The following CA10 variants were observed in gnomAD, a reference collection of about 807,000 sequenced individuals.
CA10 encodes the protein carbonic anhydrase 10 (inactive).
CA10 carries 14 observed loss-of-function variants against 44.2 expected under a neutral mutation model. That is an observed-to-expected ratio of 0.32 (90% confidence interval 0.21 to 0.50). The LOEUF is 0.50. Ranked by LOEUF, CA10 falls within the 20% of genes least tolerant of loss-of-function variation. The pLI is 0.99. For missense variants in CA10, 350 were observed against 409.7 expected, an observed-to-expected ratio of 0.85 and a Z score of 1.26; for synonymous variants, 159 against 141.6, an observed-to-expected ratio of 1.12 and a Z score of -0.87.
intron 2 of CA10, among the ~76,000 whole-genome samples, chr17:52,019,064 C>T (rs753195050): frequency 6.6e-6 from 1 of 152,086 alleles, no homozygotes; most frequent in African/African-American, 2.4e-5. Flanking sequence ...CTTCTGGGGG[C>T]CATCACCACA....
intron 3 of CA10, among the ~76,000 whole-genome samples, chr17:51,767,056 T>C (rs913008134): frequency 6.6e-6 from 1 of 152,234 alleles, no homozygotes; most frequent in Non-Finnish European, 1.5e-5. Context: ...GTCTTGGCCA[T>C]TGACTAAATC....
intron 3 of CA10, among the ~76,000 whole-genome samples, chr17:51,862,223 A>T (rs1016184431): frequency 6.6e-6 from 1 of 152,236 alleles, no homozygotes; most frequent in African/African-American, 2.4e-5. Flanking sequence ...CTAGGAAGGT[A>T]GTTAATTTGC....
intron 3 of CA10, among the ~76,000 whole-genome samples, chr17:51,837,752 T>G (rs1978292052): frequency 1.3e-5 from 2 of 152,254 alleles, no homozygotes; most frequent in Admixed American, 1.3e-4. Context: ...TGTCATTATT[T>G]CAGTGCTACT....
chr17:52,005,787 TATA>T (rs1388677496), intron 2 of CA10, among the ~76,000 whole-genome samples: 1 of 151,908 alleles, frequency 6.6e-6, no homozygotes, highest in Non-Finnish European at 1.5e-5. Context: ...TCTATTGACT[TATA>T]ATAATTAGTC....
intron 2 of CA10, among the ~76,000 whole-genome samples, chr17:51,960,723 A>T (rs1434831820): frequency 6.6e-6 from 1 of 152,230 alleles, no homozygotes; most frequent in Non-Finnish European, 1.5e-5. Context: ...ACAGATATTT[A>T]AAAACCTCTA....
chr17:51,745,298 C>T (rs1200225785), intron 4 of CA10, among the ~76,000 whole-genome samples: 1 of 152,140 alleles, frequency 6.6e-6, no homozygotes, highest in African/African-American at 2.4e-5. Context: ...TACAAATGTA[C>T]AAACCTGGAT....
At chr17:51,635,551 G>A (rs1912787759) in intron 7 of CA10, among the ~76,000 whole-genome samples, 2 of 152,082 alleles carry the variant, frequency 1.3e-5, no homozygotes, top group Admixed American at 1.3e-4. Context: ...AGAGCTTGGG[G>A]TGGTGCTTTT....
At chr17:51,859,994 GC>G (rs1979231521) in intron 3 of CA10, among the ~76,000 whole-genome samples, 1 of 152,162 alleles carries the variant, frequency 6.6e-6, no homozygotes, top group Admixed American at 6.5e-5. Context: ...ACAGGGCTGT[GC>G]CAGGCTACAG....
At chr17:51,701,295 T>C (rs1915594180) in intron 4 of CA10, among the ~76,000 whole-genome samples, 1 of 152,056 alleles carries the variant, frequency 6.6e-6, no homozygotes, top group Admixed American at 6.5e-5. Flanking sequence ...CCAATTTCCC[T>C]CTTCTCATAA....
chr17:51,700,430 C>G (rs989886526), intron 4 of CA10, among the ~76,000 whole-genome samples: 1 of 152,182 alleles, frequency 6.6e-6, no homozygotes, highest in Non-Finnish European at 1.5e-5. Flanking sequence ...GGCCCCTTCT[C>G]CCACCTCCGT....
intron 3 of CA10, chr17:51,763,130 GAGA>G (rs959188489): frequency 6.6e-6 from 1 of 152,218 alleles, no homozygotes; most frequent in African/African-American, 2.4e-5. Context: ...CCTTAGGGGT[GAGA>G]AGATTTATAT....
At chr17:52,037,853 C>G (rs1031112301) in intron 2 of CA10, among the ~76,000 whole-genome samples, 7 of 152,152 alleles carry the variant, frequency 4.6e-5, no homozygotes, top group African/African-American at 1.7e-4. Flanking sequence ...ATAATTCTCT[C>G]ATACCTTAAA....
intron 3 of CA10, among the ~76,000 whole-genome samples, chr17:51,808,804 G>A (rs563988902): frequency 3.9e-5 from 6 of 152,196 alleles, no homozygotes; most frequent in South Asian, 4.1e-4. Context: ...CAATGATTAC[G>A]TTTAGGTAGG....
chr17:52,041,091 T>C (rs1986755721), intron 2 of CA10, among the ~76,000 whole-genome samples: 1 of 151,966 alleles, frequency 6.6e-6, no homozygotes, highest in African/African-American at 2.4e-5. Context: ...ACTACCCTAA[T>C]GAAGCAAAGC....
chr17:52,025,093 G>A (rs1378939299), intron 2 of CA10, among the ~76,000 whole-genome samples: 1 of 151,642 alleles, frequency 6.6e-6, no homozygotes, highest in Non-Finnish European at 1.5e-5. Context: ...CCTGGTCCAT[G>A]GAAAAAAATG....
At chr17:51,736,781 G>A (rs1298150766) in intron 4 of CA10, among the ~76,000 whole-genome samples, 1 of 152,144 alleles carries the variant, frequency 6.6e-6, no homozygotes, top group Admixed American at 6.6e-5. Context: ...AAATGTAACT[G>A]TACATCTGCA....
At chr17:51,661,550 A>G (rs1291011858) in intron 4 of CA10, 1 of 152,250 alleles carries the variant, frequency 6.6e-6, no homozygotes, top group African/African-American at 2.4e-5. Flanking sequence ...CACTTAGCCC[A>G]AGGCCTGGCA....
chr17:51,637,760 G>T (rs2091149772), intron 6 of CA10, among the ~76,000 whole-genome samples: 1 of 152,100 alleles, frequency 6.6e-6, no homozygotes, highest in Non-Finnish European at 1.5e-5. Flanking sequence ...AGGTCACAGG[G>T]CTAGCTGGTG....
At chr17:51,750,727 A>G (rs1289967968) in intron 3 of CA10, among the ~76,000 whole-genome samples, 3 of 152,230 alleles carry the variant, frequency 2.0e-5, no homozygotes, top group Non-Finnish European at 4.4e-5. Flanking sequence ...GAACCATGGG[A>G]TTCAATCTAG....
Sources: gnomAD v4.1 joint callset for allele counts (sites outside exome capture counted in the v4.1 genomes callset) on GRCh38, gnomAD v4.1.1 for gene constraint, MANE v1.5 for transcripts, NCBI Gene and HGNC (gene_info 2026-07-23, HGNC 2026-07-21) for gene names.